ARSB: variants seen among roughly 807,000 people sequenced by gnomAD.
ARSB encodes N-acetylgalactosamine-4-sulfatase.
In ARSB, 41 loss-of-function variants were observed where a neutral mutation model predicts 50.9. The ratio of observed to expected loss-of-function variants is 0.81; its 90% CI spans 0.63 to 1.04. The LOEUF is 1.04. Ranked by LOEUF, ARSB falls within the 50% of genes least tolerant of loss-of-function variation. The pLI is 0.00. For missense variants in ARSB, 672 were observed against 693.3 expected (o/e 0.97, Z 0.35); for synonymous variants, 269 against 284.8 (o/e 0.94, Z 0.56).
chr5:78,869,450 T>C (rs1746999126), intron 5 of ARSB, among the ~76,000 whole-genome samples: 1 of 121,714 alleles, frequency 8.2e-6, no homozygotes, highest in Admixed American at 8.6e-5. Flanking sequence ...GAACAGAAAT[T>C]ATAACAAACT....
intron 2 of ARSB, among the ~76,000 whole-genome samples, chr5:78,968,721 A>G (rs1752317805): frequency 6.6e-6 from 1 of 152,118 alleles, no homozygotes; most frequent in South Asian, 2.1e-4. Flanking sequence ...CTTTTTGGTA[A>G]TAAGGGTCTC....
chr5:78,848,244 A>G (rs1183702292), intron 5 of ARSB, among the ~76,000 whole-genome samples: 1 of 97,032 alleles, frequency 1.0e-5, no homozygotes, highest in African/African-American at 4.1e-5. Context: ...CACTCCCCAG[A>G]GTGTGATGTT....
At chr5:78,936,523 C>T (rs1260250402) in intron 4 of ARSB, among the ~76,000 whole-genome samples, 4 of 150,612 alleles carry the variant, frequency 2.7e-5, no homozygotes, top group African/African-American at 4.9e-5. Flanking sequence ...AGGTGTAATA[C>T]AAAATGTCAA....
intron 6 of ARSB, among the ~76,000 whole-genome samples, chr5:78,832,848 C>T (rs779134701): frequency 2.0e-5 from 3 of 152,170 alleles, no homozygotes; most frequent in Non-Finnish European, 4.4e-5. Context: ...CATCTATAAT[C>T]AAGCTTCTAC....
intron 4 of ARSB, among the ~76,000 whole-genome samples, chr5:78,919,488 T>C (rs754667271): frequency 7.9e-5 from 12 of 152,018 alleles, no homozygotes; most frequent in Non-Finnish European, 1.8e-4. Flanking sequence ...TTTATTCATT[T>C]ATTTATTTAT....
At chr5:78,966,647 G>A (rs1420753257) in intron 2 of ARSB, among the ~76,000 whole-genome samples, 1 of 152,114 alleles carries the variant, frequency 6.6e-6, no homozygotes, top group East Asian at 1.9e-4. Flanking sequence ...ATCCAGGTTA[G>A]GCTTCTTAAT....
intron 5 of ARSB, among the ~76,000 whole-genome samples, chr5:78,871,519 A>G (rs1325668830): frequency 6.6e-6 from 1 of 150,686 alleles, no homozygotes; most frequent in Non-Finnish European, 1.5e-5. Context: ...CCGCTTACCT[A>G]CAACTATCTG....
intron 3 of ARSB, among the ~76,000 whole-genome samples, chr5:78,959,352 T>C (rs1022636000): frequency 2.0e-5 from 3 of 149,716 alleles, no homozygotes; most frequent in African/African-American, 5.0e-5. Context: ...TTTTTTTTTT[T>C]CCTGCAAAAA....
At chr5:78,785,640 A>G (rs151017474) in intron 6 of ARSB, among the ~76,000 whole-genome samples, 1 of 152,358 alleles carries the variant, frequency 6.6e-6, no homozygotes, top group East Asian at 1.9e-4. Context: ...AACATGTGTG[A>G]GACTCTTATG....
At chr5:78,942,978 T>C (rs1410654829) in intron 4 of ARSB, among the ~76,000 whole-genome samples, 1 of 152,218 alleles carries the variant, frequency 6.6e-6, no homozygotes, top group African/African-American at 2.4e-5. Flanking sequence ...ATTGGGTGCA[T>C]ATATATTTAG....
chr5:78,960,277 A>G (rs768758086), intron 3 of ARSB, among the ~76,000 whole-genome samples: 42 of 152,306 alleles, frequency 2.8e-4, no homozygotes, highest in Non-Finnish European at 5.6e-4. Context: ...ATATACTGTA[A>G]ATATCCTCAC....
intron 6 of ARSB, among the ~76,000 whole-genome samples, chr5:78,802,693 A>G (rs1307427369): frequency 6.6e-6 from 1 of 152,228 alleles, no homozygotes; most frequent in Non-Finnish European, 1.5e-5. Context: ...CAGAATGAAG[A>G]GCACTCAAGT....
chr5:78,858,483 G>A (rs1746265330), intron 5 of ARSB, among the ~76,000 whole-genome samples: 1 of 152,092 alleles, frequency 6.6e-6, no homozygotes, highest in Non-Finnish European at 1.5e-5. Context: ...TCACAGCACT[G>A]TCCATTTATA....
intron 4 of ARSB, among the ~76,000 whole-genome samples, chr5:78,944,983 G>T (rs1033199146): frequency 3.3e-5 from 5 of 152,112 alleles, no homozygotes; most frequent in Non-Finnish European, 7.4e-5. Context: ...AATGGTGGGC[G>T]CCCCTCCCCC....
chr5:78,936,129 CTTT>C (rs56884992), intron 4 of ARSB, among the ~76,000 whole-genome samples: 6 of 88,948 alleles, frequency 6.7e-5, no homozygotes, highest in Non-Finnish European at 1.0e-4. Flanking sequence ...CTCTCTCTCT[CTTT>C]TTTTTTTTTT....
chr5:78,789,118 T>C (rs1043717899), intron 6 of ARSB, among the ~76,000 whole-genome samples: 2 of 152,240 alleles, frequency 1.3e-5, no homozygotes, highest in Admixed American at 6.5e-5. Flanking sequence ...TTGGAAAGTA[T>C]TGTATAATAC....
chr5:78,940,954 T>C (rs1435515783), intron 4 of ARSB, among the ~76,000 whole-genome samples: 1 of 152,162 alleles, frequency 6.6e-6, no homozygotes, highest in African/African-American at 2.4e-5. Context: ...TCCTCTTTTA[T>C]TTCATTGAGC....
chr5:78,965,546 G>C (rs2112517503), intron 2 of ARSB, among the ~76,000 whole-genome samples: 1 of 152,222 alleles, frequency 6.6e-6, no homozygotes, highest in East Asian at 1.9e-4. Context: ...CAATTGGATT[G>C]CCATGATAGT....
chr5:78,791,244 G>A (rs539742982), intron 6 of ARSB, among the ~76,000 whole-genome samples: 2 of 152,288 alleles, frequency 1.3e-5, no homozygotes, highest in East Asian at 1.9e-4. Flanking sequence ...AAATTCTGTC[G>A]AGTATGTTTT....
Sources: gnomAD v4.1 joint callset for allele counts (sites outside exome capture counted in the v4.1 genomes callset) on GRCh38, gnomAD v4.1.1 for gene constraint, MANE v1.5 for transcripts, NCBI Gene and HGNC (gene_info 2026-07-23, HGNC 2026-07-21) for gene names.